SLC30A9: variants seen among roughly 807,000 people sequenced by gnomAD.
SLC30A9 encodes solute carrier family 30 member 9, also known as proton-coupled zinc antiporter SLC30A9, mitochondrial.
In SLC30A9, 58 loss-of-function variants were observed where a neutral mutation model predicts 87.5. The observed-to-expected ratio is 0.66, with a 90% CI of 0.54 to 0.82. SLC30A9 has a LOEUF of 0.82. SLC30A9 is among the 40% of genes least tolerant of loss of function. SLC30A9 has a pLI of 0.00. For missense variants in SLC30A9, 557 were observed against 679.1 expected (o/e 0.82, Z 2.00); for synonymous variants, 234 against 233.0 (o/e 1.00, Z -0.04).
chr4:41,995,215 G>A (rs1053269684), intron 1 of SLC30A9, among the ~76,000 whole-genome samples: 10 of 152,138 alleles, frequency 6.6e-5, no homozygotes, highest in Non-Finnish European at 1.5e-4. Context: ...AGCCGAGATC[G>A]TGCCATTGCA....
At chr4:42,061,340 G>T (rs1717847958) in intron 10 of SLC30A9, among the ~76,000 whole-genome samples, 1 of 152,104 alleles carries the variant, frequency 6.6e-6, no homozygotes, top group Admixed American at 6.5e-5. Flanking sequence ...GCCACATGTG[G>T]CTAGTGGCTC....
At chr4:42,072,812 CT>C (rs71200203) in intron 15 of SLC30A9, among the ~76,000 whole-genome samples, 69,000 of 118,080 alleles carry the variant, frequency 0.58, 23,398 homozygotes, top group East Asian at 0.94. Context: ...TTGTTCTATC[CT>C]TTTTTTTTTT....
intron 11 of SLC30A9, among the ~76,000 whole-genome samples, chr4:42,063,822 T>A (rs529031676): frequency 1.3e-5 from 2 of 152,314 alleles, no homozygotes; most frequent in South Asian, 4.1e-4. Context: ...CCCAAATTGA[T>A]CACATAGCCT....
chr4:42,073,816 A>C (rs1718414212), intron 15 of SLC30A9, among the ~76,000 whole-genome samples: 1 of 152,228 alleles, frequency 6.6e-6, no homozygotes, highest in African/African-American at 2.4e-5. Flanking sequence ...ATGACATCTC[A>C]TCACTTTGCC....
rs1314808921 is a variant in SLC30A9, at chr4:42,039,024, A to G, written c.708A>G (p.Pro236=). The G allele has an allele frequency of 1.2e-6, 2 of 1,613,648 alleles. No homozygotes were observed. The highest frequency in any genetic ancestry group is 1.7e-5 in the Admixed American group (1 of 60,010). Residue 236 remains proline (P), a synonymous_variant, in exon 8 of 18, where the codon CCA becomes CCG. Coordinates refer to ENST00000264451, the MANE Select transcript of SLC30A9 (RefSeq NM_006345.4). ...SRTASVFFKG[P]GKVVMVAICI... The stretch of plus-strand genomic sequence containing the variant: ...CAGCATCAGTGTTTTTTAAGGGACC[A>G]GGAAAAGTGGTGATGGTTGCAATTT...
chr4:42,019,302 T>C (rs1037132883), intron 3 of SLC30A9, among the ~76,000 whole-genome samples: 4 of 152,182 alleles, frequency 2.6e-5, no homozygotes, highest in Non-Finnish European at 4.4e-5. Flanking sequence ...CTTATTTATC[T>C]CTATCATATG....
rs964243694 is a variant in SLC30A9, at chr4:42,087,740, CCTT to C, written c.*1618_*1620del. The C allele has an allele frequency of 4.0e-5, 6 of 150,142 alleles. No individual in the cohort carries two copies. The highest frequency in any genetic ancestry group is 9.8e-5 in the African/African-American group (4 of 40,948). 9.3% of individuals were successfully genotyped at this position (150,142 alleles called of 1,614,324 possible). On this transcript the variant is annotated 3_prime_UTR_variant, in exon 18 of 18. Transcript: ENST00000264451. ...TTCTTACAGTTTCAAATTCCTTATC[CCTT>C]CTTTACAAAAAAAACTTTTTTTTTA...
chr4:42,034,075 TGTAATACAAAAATTTGAGAAAACACA>T, intron 6 of SLC30A9, among the ~76,000 whole-genome samples: 1 of 124,006 alleles, frequency 8.1e-6, no homozygotes, highest in Admixed American at 9.7e-5. Flanking sequence ...AAGAATTTTT[TGTAATACAAAAATTTGAGAAAACACA>T]GTAATAGAAA....
In SLC30A9 at chr4:42,020,425, T is replaced by C. The variant is rs1715901230; in HGVS notation, c.344T>C (p.Val115Ala). The C allele has an allele frequency of 5.3e-6, 8 of 1,514,098 alleles. No homozygotes were observed. Among genetic ancestry groups the C allele is most frequent in the Non-Finnish European group, 7.3e-6 (8 of 1,093,772 alleles). The allele number at this position is 1,514,098 out of a possible 1,614,324, so 93.8% of individuals were successfully genotyped here. A position where few individuals can be genotyped will look rare whatever the true frequency, so the allele number is the denominator to read the frequency against. ...QEPLQVRVKA[V>A]LKKREYGSKY... is the part of the protein sequence containing the mutation. Reference sequence around the variant, plus strand: ...CCTGTTTTTTGTTTAGTTAAAGCAGTCCTTAAGAAAAGGGAGTATGGCTCA... The same window carrying C: ...CCTGTTTTTTGTTTAGTTAAAGCAGCCCTTAAGAAAAGGGAGTATGGCTCA... Residue 115 changes from valine to alanine, a missense_variant, in exon 4 of 18, where the codon GTC (valine) becomes GCC (alanine). By Grantham distance (64) the Val-to-Ala change is moderately conservative. Around this residue, in one of 2 missense-constraint regions of SLC30A9, gnomAD observed 467 missense variants for 529.8 expected, o/e 0.88. Coordinates refer to ENST00000264451, the MANE Select transcript of SLC30A9 (RefSeq NM_006345.4).
intron 8 of SLC30A9, among the ~76,000 whole-genome samples, chr4:42,043,318 C>T (rs1197333886): frequency 1.3e-5 from 2 of 151,920 alleles, no homozygotes; most frequent in African/African-American, 4.8e-5. Context: ...AGCTAAGAAC[C>T]TTGAAAAAAG....
In SLC30A9 at chr4:42,078,214, A is replaced by C. The variant is rs1284369135; in HGVS notation, c.1551A>C (p.Glu517Asp). ...TCCTGTTTTCATTTTCTTTATAGGA[A>C]ATTCAAGAAGTGAAAACTCCTGAAG... Reference protein sequence around the residue: ...EKQDFDQMLQEIQEVKTPEEL... With the variant: ...EKQDFDQMLQDIQEVKTPEEL... Residue 517 changes from glutamate (E) to aspartate (D), a missense_variant and splice_region_variant, in exon 17 of 18, where the codon GAA becomes GAC. By Grantham distance (45) the Glu-to-Asp change is conservative. Around this residue, in one of 2 missense-constraint regions of SLC30A9, gnomAD observed 90 missense variants for 149.4 expected, o/e 0.60. Transcript: ENST00000264451. The C allele has an allele frequency of 6.9e-7, 1 of 1,442,084 alleles. No homozygotes were observed. Among genetic ancestry groups the C allele is most frequent in the East Asian group, 2.4e-5 (1 of 42,234 alleles). The allele number at this position is 1,442,084 out of a possible 1,614,324, so 89.3% of individuals were successfully genotyped here.
intron 2 of SLC30A9, among the ~76,000 whole-genome samples, chr4:42,004,819 T>G (rs1715136269): frequency 6.6e-6 from 1 of 151,914 alleles, no homozygotes; most frequent in Non-Finnish European, 1.5e-5. Context: ...GCCCAGCTAA[T>G]TTATTTTTAT....
At chr4:42,071,455 A>G (rs10019356) in intron 15 of SLC30A9, among the ~76,000 whole-genome samples, 99,271 of 152,024 alleles carry the variant, frequency 0.65, 36,903 homozygotes, top group East Asian at 0.96. Context: ...TTTATATTCT[A>G]TGCCCTATAT....
intron 6 of SLC30A9, among the ~76,000 whole-genome samples, chr4:42,030,572 T>C (rs1716383779): frequency 6.7e-6 from 1 of 150,152 alleles, no homozygotes; most frequent in Non-Finnish European, 1.5e-5. Context: ...GGAATGAAAC[T>C]GGCATGGTCT....
At chr4:42,066,457 T>TG (rs780505897) in intron 12 of SLC30A9, 93 bp from the exon 13 acceptor site, 337 of 688,122 alleles carry the variant, frequency 4.9e-4, no homozygotes, top group Non-Finnish European at 7.6e-4. Context: ...AGTTTTAAAA[T>TG]GTTGTGCTTA....
chr4:42,066,251 C>T (rs1220860963), intron 12 of SLC30A9, among the ~76,000 whole-genome samples: 1 of 152,180 alleles, frequency 6.6e-6, no homozygotes, highest in East Asian at 1.9e-4. Context: ...ACACAACCTG[C>T]TTCAAAAGAT....
At chr4:42,029,505 C>T in intron 6 of SLC30A9, 1 of 675,964 alleles carries the variant, frequency 1.5e-6, no homozygotes, top group Non-Finnish European at 2.8e-6. Flanking sequence ...ATCCCAAGCA[C>T]TGTGAGGCAT....
At chr4:42,063,341 C>T (rs1464215122) in intron 11 of SLC30A9, among the ~76,000 whole-genome samples, 7 of 152,100 alleles carry the variant, frequency 4.6e-5, no homozygotes, top group Admixed American at 4.6e-4. Flanking sequence ...CTGTAGGTAC[C>T]AATTATCAAG....
chr4:42,079,265 T>C (rs916518119), intron 17 of SLC30A9, among the ~76,000 whole-genome samples: 3 of 152,096 alleles, frequency 2.0e-5, no homozygotes, highest in Non-Finnish European at 4.4e-5. Context: ...TCATTTACTT[T>C]TAAAAACATA....
Sources: allele counts gnomAD v4.1 joint callset (sites outside exome capture counted in the v4.1 genomes callset), GRCh38; gene constraint gnomAD v4.1.1; regional missense constraint gnomAD v4.1.1; transcripts MANE v1.5; gene names NCBI Gene and HGNC (gene_info 2026-07-23, HGNC 2026-07-21).